The following PARD3B variants were observed in gnomAD, a reference collection of about 807,000 sequenced individuals.
PARD3B encodes the protein partitioning defective 3 homolog B.
Under a neutral mutation model 130.2 loss-of-function variants are expected in PARD3B, and 103 were observed. That is an observed-to-expected ratio of 0.79 (90% CI 0.67 to 0.93). The LOEUF is 0.93. Among genes scored for constraint, PARD3B ranks in the 40% least tolerant of loss-of-function variants. PARD3B has a pLI of 0.00. For missense variants in PARD3B, 1,609 were observed against 1,499.2 expected (o/e 1.07, Z -1.21); for synonymous variants, 583 against 553.2 (o/e 1.05, Z -0.76).
At chr2:204,864,623 A>G (rs933552201) in intron 2 of PARD3B, among the ~76,000 whole-genome samples, 1 of 152,170 alleles carries the variant, frequency 6.6e-6, no homozygotes, top group East Asian at 1.9e-4. Context: ...TCTTTCTCCA[A>G]TATAACAATG....
chr2:205,321,394 C>T lies in PARD3B; in HGVS notation c.2630+19693C>T, dbSNP rs568154684. Among the ~76,000 whole-genome samples, 2 of 152,016 alleles carry T rather than the reference C, an allele frequency of 1.3e-5. No homozygotes were observed. The highest frequency in any genetic ancestry group is 2.9e-5 in the Non-Finnish European group (2 of 67,980). On this transcript the variant is annotated intron_variant, in intron 18 of 22. Transcript: ENST00000406610. The surrounding 1 kb of genome is among the most constrained non-coding windows in gnomAD (Gnocchi z 4.2). ...GCACAAAGAATTTCCTTATACCTTCCGCCCAGATTCCTCAGATAGTAACAT... is the reference window on the plus strand; with the variant it reads ...GCACAAAGAATTTCCTTATACCTTCTGCCCAGATTCCTCAGATAGTAACAT...
At chr2:205,524,616 TTCTA>T (rs1197307199) in intron 21 of PARD3B, among the ~76,000 whole-genome samples, 9 of 152,174 alleles carry the variant, frequency 5.9e-5, no homozygotes, top group Admixed American at 5.2e-4. Flanking sequence ...AGAGAGCACT[TTCTA>T]TCTTTTAGAT....
intron 1 of PARD3B, among the ~76,000 whole-genome samples, chr2:204,598,456 TG>T (rs1484332366): frequency 1.3e-5 from 2 of 152,140 alleles, no homozygotes; most frequent in Admixed American, 1.3e-4. Flanking sequence ...TGTGTAACTT[TG>T]GGCAGGATAT....
intron 10 of PARD3B, among the ~76,000 whole-genome samples, chr2:205,156,426 A>T (rs539059807): frequency 1.3e-4 from 19 of 151,540 alleles, no homozygotes; most frequent in Admixed American, 2.0e-4. Flanking sequence ...AATAAAATTT[A>T]AAAAAAAAGA....
intron 4 of PARD3B, among the ~76,000 whole-genome samples, chr2:205,077,680 T>C (rs907179890): frequency 4.6e-5 from 7 of 152,072 alleles, no homozygotes; most frequent in African/African-American, 1.7e-4. Flanking sequence ...TCTTAGAGAA[T>C]AGGTGAGAGA....
chr2:205,063,346 A>T (rs1245477405), intron 4 of PARD3B, among the ~76,000 whole-genome samples: 4 of 152,018 alleles, frequency 2.6e-5, no homozygotes, highest in Non-Finnish European at 1.5e-5. Flanking sequence ...ATAAAATTTT[A>T]TATTTTAAAA....
chr2:205,123,717 C>T (rs993182975), intron 8 of PARD3B, among the ~76,000 whole-genome samples: 8 of 148,782 alleles, frequency 5.4e-5, no homozygotes, highest in East Asian at 2.0e-4. Flanking sequence ...GAGATGGTCG[C>T]GGGTAGGTCA....
intron 10 of PARD3B, among the ~76,000 whole-genome samples, chr2:205,148,641 A>G (rs946893513): frequency 5.9e-5 from 9 of 152,212 alleles, no homozygotes; most frequent in African/African-American, 2.2e-4. Flanking sequence ...TACTTAGGCA[A>G]AAGTTAACAA....
intron 19 of PARD3B, among the ~76,000 whole-genome samples, chr2:205,436,787 A>G (rs2047532554): frequency 1.3e-5 from 2 of 152,080 alleles, no homozygotes; most frequent in Non-Finnish European, 2.9e-5. Flanking sequence ...TTCTTAGTGA[A>G]GTCACCTAGA....
At position 204,713,638 on chromosome 2, in the gene PARD3B, A is replaced by G. The variant is rs562458052; in HGVS notation, c.222+27356A>G. The stretch of plus-strand genomic sequence containing the variant: ...TGAATTTGGCTATTCTAAGTACCTC[A>G]TATAAGTGGAATTATATGATGTTCA... On this transcript the variant is annotated intron_variant, in intron 2 of 22. Coordinates refer to ENST00000406610, the MANE Select transcript of PARD3B (RefSeq NM_001302769.2). Among the ~76,000 whole-genome samples the G allele has an allele frequency of 2.0e-4, 30 of 152,200 alleles. No individual in the cohort carries two copies. The South Asian group carries it at 2.1e-3, about 11-fold the overall frequency.
chr2:205,559,228 G>A (rs1209427627), intron 22 of PARD3B, among the ~76,000 whole-genome samples: 2 of 152,100 alleles, frequency 1.3e-5, no homozygotes, highest in South Asian at 2.1e-4. Context: ...TCACTGCAAC[G>A]TCTGCCTCCC....
Position 204,808,086 on chromosome 2 carries a change from T to C in PARD3B, c.222+121804T>C, listed in dbSNP as rs535228236. Among the ~76,000 whole-genome samples, 23 of 152,180 alleles carry C rather than the reference T, an allele frequency of 1.5e-4. No homozygotes were observed. The East Asian group carries it at 4.4e-3, about 29-fold the overall frequency. On this transcript the variant is annotated intron_variant, in intron 2 of 22. Transcript: ENST00000406610. ...GTAGCTCATGTACCCTATAAATATA[T>C]ATATCTACTATATATTCATAAAAAT...
chr2:205,557,410 G>A (rs2052938558), intron 22 of PARD3B, among the ~76,000 whole-genome samples: 1 of 152,154 alleles, frequency 6.6e-6, no homozygotes, highest in Non-Finnish European at 1.5e-5. Context: ...CACTTCCTTT[G>A]CTTTATGACC....
At chr2:204,645,494 C>T (rs1037559622) in intron 1 of PARD3B, among the ~76,000 whole-genome samples, 5 of 152,046 alleles carry the variant, frequency 3.3e-5, no homozygotes, top group African/African-American at 1.2e-4. Context: ...ACAATCTGTA[C>T]TTTGGCTTAA....
rs76253115 is a variant in PARD3B, at chr2:204,710,573, C to T, written c.222+24291C>T. The stretch of plus-strand genomic sequence containing the variant: ...GGGCACTCATTGGGGCTGTGTCCAC[C>T]GATTACTGACTGGCTGATTTGGATG... On this transcript the variant is annotated intron_variant, in intron 2 of 22. Coordinates refer to ENST00000406610, the MANE Select transcript of PARD3B (RefSeq NM_001302769.2). Among the ~76,000 whole-genome samples, 948 of 152,304 alleles carry T rather than the reference C, an allele frequency of 6.2e-3. 2 individuals carry two copies. Among genetic ancestry groups the T allele is most frequent in the South Asian group, 0.017 (81 of 4,826 alleles).
Position 205,232,277 on chromosome 2 carries a change from C to T in PARD3B, c.2141-13501C>T, listed in dbSNP as rs149954346. Among the ~76,000 whole-genome samples, 6 of 152,180 alleles carry T rather than the reference C, an allele frequency of 3.9e-5. No homozygotes were observed. The East Asian group carries it at 1.2e-3, about 29-fold the overall frequency. ...CCAGCCTGGGCGATATAGTGAAACC[C>T]CTACGCACACACACAGAGTGTAAAT... On this transcript the variant is annotated intron_variant, in intron 15 of 22. Transcript: ENST00000406610.
At chr2:204,725,050 T>G (rs1264243717) in intron 2 of PARD3B, among the ~76,000 whole-genome samples, 1 of 152,188 alleles carries the variant, frequency 6.6e-6, no homozygotes, top group Admixed American at 6.5e-5. Flanking sequence ...AAATTTCTAC[T>G]TTGAATTATA....
At chr2:204,674,160 T>TA (rs1182978398) in intron 1 of PARD3B, among the ~76,000 whole-genome samples, 1 of 152,160 alleles carries the variant, frequency 6.6e-6, no homozygotes, top group African/African-American at 2.4e-5. Flanking sequence ...TCATGGTGCT[T>TA]ATGTTCTAGT....
chr2:204,625,720 G>A lies in PARD3B; in HGVS notation c.121-60461G>A, dbSNP rs1333060768. 3.3e-5 allele frequency among the ~76,000 whole-genome samples: 5 copies of A among 152,004 alleles called. No homozygotes were observed. The East Asian group carries it at 5.8e-4, about 18-fold the overall frequency. ...GAAGACTGATCTAACCTTTGTTTTCGAACAAGTTATTTAGGTTATTTATAG... is the reference window on the plus strand; with the variant it reads ...GAAGACTGATCTAACCTTTGTTTTCAAACAAGTTATTTAGGTTATTTATAG... On this transcript the variant is annotated intron_variant, in intron 1 of 22. Coordinates refer to ENST00000406610, the MANE Select transcript of PARD3B (RefSeq NM_001302769.2).
Sources: allele counts gnomAD v4.1 joint callset (sites outside exome capture counted in the v4.1 genomes callset), GRCh38; gene constraint gnomAD v4.1.1; non-coding constraint Gnocchi (gnomAD v3.1); transcripts MANE v1.5; gene names NCBI Gene and HGNC (gene_info 2026-07-23, HGNC 2026-07-21).